Variants in TAFA1 observed in about 807,000 individuals in gnomAD.
TAFA1 encodes chemokine-like protein TAFA-1.
A neutral mutation model predicts 18.5 loss-of-function variants in TAFA1; 4 were observed. The ratio of observed to expected loss-of-function variants is 0.22; its 90% CI spans 0.11 to 0.49. The LOEUF (loss-of-function observed/expected upper bound fraction) is 0.49. TAFA1 is among the 20% of genes least tolerant of loss of function. The probability of loss-of-function intolerance (pLI) is 0.98; values close to 1 mark genes in which losing one functional copy is unlikely to be tolerated. For missense variants in TAFA1, 147 were observed against 169.0 expected (o/e 0.87, Z 0.72); for synonymous variants, 56 against 55.2 (o/e 1.01, Z -0.06).
chr3:68,498,480 T>C (rs1171245773), intron 3 of TAFA1, among the ~76,000 whole-genome samples: 1 of 152,068 alleles, frequency 6.6e-6, no homozygotes, highest in Non-Finnish European at 1.5e-5. Context: ...CAAAAGCATA[T>C]TGTTGCTAAG....
intron 2 of TAFA1, among the ~76,000 whole-genome samples, chr3:68,147,406 C>A (rs1445564153): frequency 6.6e-6 from 1 of 152,084 alleles, no homozygotes; most frequent in Non-Finnish European, 1.5e-5. Context: ...CCCCCCCTCC[C>A]AACTTTCTGC....
intron 3 of TAFA1, among the ~76,000 whole-genome samples, chr3:68,442,176 G>C (rs2071396184): frequency 6.6e-6 from 1 of 152,076 alleles, no homozygotes; most frequent in South Asian, 2.1e-4. Flanking sequence ...GCTTATAACA[G>C]AATCCCTGAA....
intron 2 of TAFA1, among the ~76,000 whole-genome samples, chr3:68,348,626 A>C (rs1197434012): frequency 2.0e-5 from 3 of 152,118 alleles, no homozygotes; most frequent in Admixed American, 1.3e-4. Context: ...TCTCTGAGCT[A>C]TTAATTAAAC....
At chr3:68,332,354 G>A (rs952974728) in intron 2 of TAFA1, among the ~76,000 whole-genome samples, 2 of 151,900 alleles carry the variant, frequency 1.3e-5, no homozygotes, top group African/African-American at 4.8e-5. Context: ...CATTTGTTTT[G>A]ACAATAATTT....
Position 68,425,339 on chromosome 3 carries a change from C to A in TAFA1, c.259+7919C>A, listed in dbSNP as rs146213956. Among the ~76,000 whole-genome samples the A allele has an allele frequency of 7.6e-4, 116 of 152,018 alleles. 3 individuals carry two copies. The highest frequency in any genetic ancestry group is 2.6e-3 in the African/African-American group (110 of 41,526). On this transcript the variant is annotated intron_variant, in intron 3 of 4. Transcript: ENST00000478136. ...CCTTCATTACTGTCTCTGTTTGAAA[C>A]TTGCTTTGTTCTTTTTAAACACACC...
At chr3:68,362,635 G>C (rs937357880) in intron 2 of TAFA1, among the ~76,000 whole-genome samples, 1 of 152,134 alleles carries the variant, frequency 6.6e-6, no homozygotes, top group Non-Finnish European at 1.5e-5. Context: ...CAGGAATGGA[G>C]TGGAAATGCA....
intron 2 of TAFA1, among the ~76,000 whole-genome samples, chr3:68,154,579 C>T (rs1167352750): frequency 6.6e-6 from 1 of 152,222 alleles, no homozygotes; most frequent in Admixed American, 6.5e-5. Flanking sequence ...TTATGTGTCT[C>T]TCCTTTCATC....
At chr3:68,102,221 G>T (rs1466425857) in intron 2 of TAFA1, among the ~76,000 whole-genome samples, 1 of 152,040 alleles carries the variant, frequency 6.6e-6, no homozygotes. Flanking sequence ...TAATATGTGA[G>T]GCCGATGGCA....
intron 2 of TAFA1, among the ~76,000 whole-genome samples, chr3:68,123,546 G>C (rs994661230): frequency 6.6e-6 from 1 of 152,128 alleles, no homozygotes; most frequent in Non-Finnish European, 1.5e-5. Context: ...AGTCTGGTAA[G>C]ACTTTTTCAC....
chr3:68,459,129 C>T (rs1295112912), intron 3 of TAFA1, among the ~76,000 whole-genome samples: 1 of 152,154 alleles, frequency 6.6e-6, no homozygotes, highest in East Asian at 1.9e-4. Context: ...GTGCAGGGTG[C>T]TCCCTGGGAG....
chr3:68,498,182 G>T (rs906198118), intron 3 of TAFA1, among the ~76,000 whole-genome samples: 1 of 152,166 alleles, frequency 6.6e-6, no homozygotes, highest in African/African-American at 2.4e-5. Flanking sequence ...TGTCAAATGG[G>T]CATAAGGATA....
At chr3:68,387,815 T>G (rs2070137252) in intron 2 of TAFA1, among the ~76,000 whole-genome samples, 4 of 152,184 alleles carry the variant, frequency 2.6e-5, no homozygotes, top group Admixed American at 2.6e-4. Flanking sequence ...AACTCATGGT[T>G]ACTTTCTGAG....
intron 2 of TAFA1, among the ~76,000 whole-genome samples, chr3:68,104,040 C>T (rs887492780): frequency 6.6e-6 from 1 of 152,066 alleles, no homozygotes; most frequent in Non-Finnish European, 1.5e-5. Flanking sequence ...TTATGTGTCT[C>T]CAGTGCATCA....
intron 2 of TAFA1, among the ~76,000 whole-genome samples, chr3:68,065,740 GTATATA>G (rs60396289): frequency 2.9e-4 from 39 of 133,454 alleles, no homozygotes; most frequent in Middle Eastern, 3.9e-3. Context: ...GTGTGTGTGT[GTATATA>G]TATATATATA....
chr3:68,008,412 A>G (rs956168805), intron 2 of TAFA1, among the ~76,000 whole-genome samples: 7 of 152,270 alleles, frequency 4.6e-5, no homozygotes, highest in East Asian at 1.9e-4. Context: ...AAGAATTCAT[A>G]ATAAAAACAA....
chr3:68,439,118 A>G (rs1024597692), intron 3 of TAFA1, among the ~76,000 whole-genome samples: 1 of 151,974 alleles, frequency 6.6e-6, no homozygotes, highest in Admixed American at 6.6e-5. Flanking sequence ...ACTGGGCTAC[A>G]CCATTGGTTT....
At chr3:68,040,511 T>C (rs1339661218) in intron 2 of TAFA1, among the ~76,000 whole-genome samples, 2 of 152,174 alleles carry the variant, frequency 1.3e-5, no homozygotes, top group Non-Finnish European at 2.9e-5. Context: ...CCTATATTAA[T>C]ACCGACTAAA....
Position 68,510,808 on chromosome 3 carries a change from A to C in TAFA1, c.260-27948A>C, listed in dbSNP as rs368029180. Among the ~76,000 whole-genome samples, 13 of 152,274 alleles carry C rather than the reference A, an allele frequency of 8.5e-5. No homozygotes were observed. The East Asian group carries it at 2.3e-3, about 27-fold the overall frequency. On this transcript the variant is annotated intron_variant, in intron 3 of 4. Coordinates refer to ENST00000478136, the MANE Select transcript of TAFA1 (RefSeq NM_213609.4). ...TAGTAAAGGTAAAATGAATAAAACAAAAATAAAAATGCAAGAAGGTGACAG... is the reference window on the plus strand; with the variant it reads ...TAGTAAAGGTAAAATGAATAAAACACAAATAAAAATGCAAGAAGGTGACAG...
intron 2 of TAFA1, among the ~76,000 whole-genome samples, chr3:68,319,874 A>G (rs551292185): frequency 3.3e-5 from 5 of 152,324 alleles, no homozygotes; most frequent in East Asian, 1.9e-4. Flanking sequence ...AGCTATTTAA[A>G]TTCTTCATTA....
Sources: gnomAD v4.1 joint callset for allele counts (sites outside exome capture counted in the v4.1 genomes callset) on GRCh38, gnomAD v4.1.1 for gene constraint, MANE v1.5 for transcripts, NCBI Gene and HGNC (gene_info 2026-07-23, HGNC 2026-07-21) for gene names.